KCNMA1: variants seen among roughly 807,000 people sequenced by gnomAD.
KCNMA1 encodes the protein potassium calcium-activated channel subfamily M alpha 1.
Under a neutral mutation model 140.0 loss-of-function variants are expected in KCNMA1, and 29 were observed. The observed-to-expected ratio is 0.21, with a 90% CI of 0.15 to 0.28. The LOEUF is 0.28. KCNMA1 is among the 10% of genes least tolerant of loss of function. The pLI, the probability that KCNMA1 is intolerant of heterozygous loss-of-function variation, is 1.00. For synonymous variants in KCNMA1, 612 were observed against 611.9 expected (o/e 1.00, Z 0.00); for missense variants, 880 against 1,602.2 (o/e 0.55, Z 7.70).
intron 2 of KCNMA1, among the ~76,000 whole-genome samples, chr10:77,335,922 T>C (rs1429199500): frequency 1.3e-5 from 2 of 152,094 alleles, no homozygotes; most frequent in Non-Finnish European, 2.9e-5. Context: ...TCATCAACCT[T>C]GCCCTCCATT....
chr10:76,973,142 A>G (rs975619829), intron 19 of KCNMA1: 1 of 152,176 alleles, frequency 6.6e-6, no homozygotes, highest in African/African-American at 2.4e-5. Context: ...GCTAATTACA[A>G]TACACCTCCA....
At chr10:77,088,865 T>C (rs1449392827) in intron 10 of KCNMA1, among the ~76,000 whole-genome samples, 1 of 152,202 alleles carries the variant, frequency 6.6e-6, no homozygotes, top group Non-Finnish European at 1.5e-5. Flanking sequence ...TGATGCTCCT[T>C]GAAAGAGATG....
intron 2 of KCNMA1, among the ~76,000 whole-genome samples, chr10:77,264,016 C>G (rs1337229191): frequency 6.6e-6 from 1 of 152,132 alleles, no homozygotes; most frequent in African/African-American, 2.4e-5. Context: ...GACAAACTAC[C>G]CTTCCCGAAT....
chr10:77,365,114 A>T (rs1029951516), intron 2 of KCNMA1, among the ~76,000 whole-genome samples: 1 of 152,174 alleles, frequency 6.6e-6, no homozygotes, highest in African/African-American at 2.4e-5. Flanking sequence ...AAGAAAATTG[A>T]GGTGCAAGAG....
intron 23 of KCNMA1, among the ~76,000 whole-genome samples, chr10:76,927,166 C>T (rs1383451913): frequency 6.6e-6 from 1 of 152,178 alleles, no homozygotes; most frequent in Non-Finnish European, 1.5e-5. Flanking sequence ...GATCTCCTTA[C>T]AGACTCCTTC....
intron 1 of KCNMA1, among the ~76,000 whole-genome samples, chr10:77,527,061 G>A (rs1158511423): frequency 6.6e-6 from 1 of 152,218 alleles, no homozygotes; most frequent in Non-Finnish European, 1.5e-5. Context: ...ATACTTCTGG[G>A]AGCTCGTCAT....
chr10:77,414,138 C>T (rs2096681399), intron 1 of KCNMA1, among the ~76,000 whole-genome samples: 1 of 152,190 alleles, frequency 6.6e-6, no homozygotes, highest in South Asian at 2.1e-4. Flanking sequence ...GTCTCAAATG[C>T]AGGGAGCCAT....
chr10:77,342,556 T>C (rs1349654016), intron 2 of KCNMA1, among the ~76,000 whole-genome samples: 1 of 152,182 alleles, frequency 6.6e-6, no homozygotes, highest in Non-Finnish European at 1.5e-5. Context: ...AACACTCCCA[T>C]GAAGAATCAG....
intron 2 of KCNMA1, among the ~76,000 whole-genome samples, chr10:77,312,840 G>A (rs1001770903): frequency 1.3e-5 from 2 of 152,178 alleles, no homozygotes; most frequent in African/African-American, 4.8e-5. Context: ...TATGCATGAA[G>A]AAGCAGCAAC....
chr10:76,887,674 T>C, intron 27 of KCNMA1, 159 bp from the exon 28 acceptor site: 3 of 805,762 alleles, frequency 3.7e-6, no homozygotes, highest in Non-Finnish European at 6.0e-6. Context: ...CTTTTTCTTG[T>C]TAAATGGAAA....
chr10:76,905,666 A>G (rs1399596131), intron 25 of KCNMA1, among the ~76,000 whole-genome samples: 1 of 152,130 alleles, frequency 6.6e-6, no homozygotes, highest in East Asian at 1.9e-4. Context: ...GTTACCTCCT[A>G]GGATAATTTT....
chr10:77,391,474 T>C (rs114399779), intron 2 of KCNMA1, among the ~76,000 whole-genome samples: 2,149 of 152,308 alleles, frequency 0.014, 45 homozygotes, highest in African/African-American at 0.049. Context: ...CCAAGTGCCC[T>C]GATTCCTTAA....
At chr10:77,069,075 G>A (rs927109332) in intron 14 of KCNMA1, among the ~76,000 whole-genome samples, 4 of 152,180 alleles carry the variant, frequency 2.6e-5, no homozygotes, top group Admixed American at 6.5e-5. Flanking sequence ...ACATCCAAGT[G>A]AGGAAGCCAA....
At chr10:77,413,835 GAC>G (rs2096674053) in intron 1 of KCNMA1, among the ~76,000 whole-genome samples, 1 of 152,188 alleles carries the variant, frequency 6.6e-6, no homozygotes, top group Non-Finnish European at 1.5e-5. Context: ...TTAGGGAAGG[GAC>G]ACACTGTCCA....
chr10:77,243,801 C>T (rs1968485), intron 3 of KCNMA1, among the ~76,000 whole-genome samples: 58,428 of 151,912 alleles, frequency 0.38, 11,444 homozygotes, highest in Non-Finnish European at 0.42. Flanking sequence ...TTAACTCTTA[C>T]CCATCCCCAA....
intron 1 of KCNMA1, among the ~76,000 whole-genome samples, chr10:77,494,189 A>G (rs888713754): frequency 2.0e-5 from 3 of 152,216 alleles, no homozygotes; most frequent in African/African-American, 7.2e-5. Context: ...AAAGAAACTC[A>G]CCACGTTGCC....
intron 29 of KCNMA1, among the ~76,000 whole-genome samples, chr10:76,879,206 G>A (rs894891741): frequency 6.6e-6 from 1 of 152,048 alleles, no homozygotes; most frequent in Admixed American, 6.6e-5. Context: ...GCTGTTTCAA[G>A]TGCCCTGAGC....
intron 19 of KCNMA1, among the ~76,000 whole-genome samples, chr10:77,000,857 A>AATATATATAC (rs2086041005): frequency 5.5e-5 from 2 of 36,662 alleles, no homozygotes; most frequent in Non-Finnish European, 1.1e-4. Context: ...GTAAAAAGAA[A>AATATATATAC]ATATATATAT....
At chr10:77,302,905 G>A (rs1166773541) in intron 2 of KCNMA1, among the ~76,000 whole-genome samples, 2 of 152,206 alleles carry the variant, frequency 1.3e-5, no homozygotes, top group South Asian at 4.1e-4. Context: ...CTTGTAGCTT[G>A]GCTTTCAGAC....
Sources: gnomAD v4.1 joint callset for allele counts (sites outside exome capture counted in the v4.1 genomes callset) on GRCh38, gnomAD v4.1.1 for gene constraint, MANE v1.5 for transcripts, NCBI Gene and HGNC (gene_info 2026-07-23, HGNC 2026-07-21) for gene names.